MDFIC2: variants seen among roughly 807,000 people sequenced by gnomAD.
The protein encoded by MDFIC2 is myoD family inhibitor domain-containing protein 2.
chr3:70,286,671 T>C (rs1702167322), intron 2 of MDFIC2, among the ~76,000 whole-genome samples: 10 of 152,128 alleles, frequency 6.6e-5, no homozygotes, highest in Admixed American at 6.6e-4. Context: ...TTTCATGATA[T>C]TGATTCTTCC....
intron 3 of MDFIC2, among the ~76,000 whole-genome samples, chr3:70,198,182 T>C (rs1701200019): frequency 6.6e-6 from 1 of 152,192 alleles, no homozygotes; most frequent in African/African-American, 2.4e-5. Flanking sequence ...TTATTGATGA[T>C]TGAAAGTAAC....
intron 2 of MDFIC2, among the ~76,000 whole-genome samples, chr3:70,243,138 T>C (rs141365597): frequency 1.3e-5 from 2 of 152,184 alleles, no homozygotes; most frequent in Non-Finnish European, 2.9e-5. Flanking sequence ...CTATATTGTT[T>C]CCTGTGCCTT....
intron 2 of MDFIC2, among the ~76,000 whole-genome samples, chr3:70,234,124 C>T (rs568468766): frequency 6.6e-6 from 1 of 152,210 alleles, no homozygotes; most frequent in South Asian, 2.1e-4. Context: ...TAATGAGACC[C>T]AGAAATATCT....
intron 2 of MDFIC2, among the ~76,000 whole-genome samples, chr3:70,304,014 G>T (rs541329086): frequency 6.6e-6 from 1 of 152,234 alleles, no homozygotes; most frequent in East Asian, 1.9e-4. Context: ...AATGTAGTAG[G>T]ATAGAGTTTA....
At chr3:70,311,835 A>G in intron 2 of MDFIC2, 51 bp downstream of exon 2, 1 of 396,838 alleles carries the variant, frequency 2.5e-6, no homozygotes. Context: ...TTGCTTATAA[A>G]CAAAAGCAAA....
intron 2 of MDFIC2, among the ~76,000 whole-genome samples, chr3:70,244,092 T>A (rs1260172899): frequency 6.6e-6 from 1 of 152,210 alleles, no homozygotes; most frequent in Non-Finnish European, 1.5e-5. Flanking sequence ...CTAACCTCCC[T>A]GCTCTTCGGT....
At chr3:70,281,678 A>T (rs1477239558) in intron 2 of MDFIC2, among the ~76,000 whole-genome samples, 2 of 152,124 alleles carry the variant, frequency 1.3e-5, no homozygotes, top group African/African-American at 4.8e-5. Context: ...TCCCTGAGGA[A>T]TCCTCACCAT....
At position 70,243,808 on chromosome 3, in the gene MDFIC2, G is replaced by A. The variant is rs180878021; in HGVS notation, c.89-37018C>T. On this transcript the variant is annotated intron_variant, in intron 2 of 3. Coordinates refer to ENST00000567252, the MANE Select transcript of MDFIC2 (RefSeq NM_001364677.1). The stretch of plus-strand genomic sequence containing the variant: ...TTTCCATAAAAAGCACTGAACTCAA[G>A]CAATGCAATGACAATTCTGAGAGAG... Among the ~76,000 whole-genome samples, 14 of 152,296 alleles carry A rather than the reference G, an allele frequency of 9.2e-5. 1 individual carries two copies. The East Asian group carries it at 2.7e-3, about 29-fold the overall frequency.
intron 2 of MDFIC2, among the ~76,000 whole-genome samples, chr3:70,287,357 C>T (rs1421083820): frequency 1.3e-5 from 2 of 149,340 alleles, no homozygotes; most frequent in East Asian, 3.9e-4. Flanking sequence ...TGCTGGATTA[C>T]ATTTATTGAT....
intron 2 of MDFIC2, among the ~76,000 whole-genome samples, chr3:70,223,390 G>C (rs913751851): frequency 4.6e-5 from 7 of 152,236 alleles, no homozygotes; most frequent in Admixed American, 2.6e-4. Flanking sequence ...TGAGTGCAGA[G>C]CACTGATATA....
At chr3:70,238,822 T>C (rs1701637718) in intron 2 of MDFIC2, among the ~76,000 whole-genome samples, 1 of 152,140 alleles carries the variant, frequency 6.6e-6, no homozygotes, top group African/African-American at 2.4e-5. Flanking sequence ...TAGGTTTCTA[T>C]GACCTGTAAT....
chr3:70,283,812 A>T (rs1170561531), intron 2 of MDFIC2: 1 of 152,028 alleles, frequency 6.6e-6, no homozygotes, highest in Non-Finnish European at 1.5e-5. Flanking sequence ...AAAAAGGCAA[A>T]TATGGCCAAA....
At chr3:70,209,325 G>A (rs550931857) in intron 2 of MDFIC2, among the ~76,000 whole-genome samples, 5 of 152,172 alleles carry the variant, frequency 3.3e-5, no homozygotes, top group African/African-American at 1.2e-4. Context: ...AGATATTGCT[G>A]CATTTCCCTT....
chr3:70,274,090 TGC>T (rs1187285721), intron 2 of MDFIC2, among the ~76,000 whole-genome samples: 12,919 of 144,668 alleles, frequency 0.089, 708 homozygotes, highest in East Asian at 0.24. Flanking sequence ...TGTGTGTGTG[TGC>T]GCGCGCGCAT....
chr3:70,307,160 G>T (rs976134419), intron 2 of MDFIC2, among the ~76,000 whole-genome samples: 2 of 152,048 alleles, frequency 1.3e-5, no homozygotes, highest in African/African-American at 4.8e-5. Flanking sequence ...CCCAGAGCCT[G>T]GTTTCATTTG....
intron 2 of MDFIC2, among the ~76,000 whole-genome samples, chr3:70,252,087 C>A (rs1272904344): frequency 2.0e-5 from 3 of 152,152 alleles, no homozygotes; most frequent in Non-Finnish European, 4.4e-5. Flanking sequence ...CAATTCTAAG[C>A]TAGCTCTGAA....
intron 2 of MDFIC2, among the ~76,000 whole-genome samples, chr3:70,224,566 A>G (rs926199582): frequency 4.6e-5 from 7 of 152,306 alleles, no homozygotes; most frequent in Admixed American, 1.3e-4. Context: ...AATTTCCGCA[A>G]TGCTCACTAA....
intron 1 of MDFIC2, among the ~76,000 whole-genome samples, 156 bp downstream of exon 1, chr3:70,312,395 T>C (rs1360023875): frequency 6.6e-6 from 1 of 152,210 alleles, no homozygotes; most frequent in Non-Finnish European, 1.5e-5. Context: ...CAGGAATTTA[T>C]TGGGTGGGAA....
At chr3:70,244,251 C>T (rs529046632) in intron 2 of MDFIC2, among the ~76,000 whole-genome samples, 3 of 152,212 alleles carry the variant, frequency 2.0e-5, no homozygotes, top group South Asian at 2.1e-4. Flanking sequence ...TAATGTTTAC[C>T]GTGATGAGTA....
Sources: gnomAD v4.1 joint callset for allele counts (sites outside exome capture counted in the v4.1 genomes callset) on GRCh38, gnomAD v4.1.1 for gene constraint, MANE v1.5 for transcripts, NCBI Gene and HGNC (gene_info 2026-07-23, HGNC 2026-07-21) for gene names.